The following PLXNA4 variants were observed in gnomAD, a reference collection of about 807,000 sequenced individuals.
PLXNA4 encodes plexin A4.
A neutral mutation model predicts 191.8 loss-of-function variants in PLXNA4; 44 were observed. The observed-to-expected ratio is 0.23, with a 90% CI of 0.18 to 0.29. The LOEUF is 0.29. Ranked by LOEUF, PLXNA4 falls within the 10% of genes least tolerant of loss-of-function variation. The pLI is 1.00. For synonymous variants in PLXNA4, 1,082 were observed against 1,009.5 expected, an observed-to-expected ratio of 1.07 and a Z score of -1.36; for missense variants, 1,800 against 2,488.8, an observed-to-expected ratio of 0.72 and a Z score of 5.89.
chr7:132,337,316 C>G (rs1316556906), intron 3 of PLXNA4, among the ~76,000 whole-genome samples: 3 of 152,242 alleles, frequency 2.0e-5, no homozygotes, highest in African/African-American at 7.2e-5. Context: ...CATGTTCATA[C>G]ACACTTCCCA....
chr7:132,569,522 C>T (rs534410668), intron 1 of PLXNA4, among the ~76,000 whole-genome samples: 19 of 152,340 alleles, frequency 1.2e-4, no homozygotes, highest in East Asian at 5.8e-4. Context: ...TTCACTGGAG[C>T]AAAGATTTTC....
chr7:132,145,397 C>A, intron 28 of PLXNA4, 109 bp from the exon 29 acceptor site: 3 of 1,475,636 alleles, frequency 2.0e-6, no homozygotes, highest in Non-Finnish European at 2.7e-6. Flanking sequence ...TACAGCCCAC[C>A]CTACTTGGGT....
At position 132,128,875 on chromosome 7, in the gene PLXNA4, A is replaced by T. The variant is rs930477351; in HGVS notation, c.*1604T>A. 1 of 152,264 alleles carries T rather than the reference A, an allele frequency of 6.6e-6. No homozygotes were observed. Among genetic ancestry groups the T allele is most frequent in the South Asian group, 2.1e-4 (1 of 4,830 alleles). The allele number at this position is 152,264 out of a possible 1,614,324, so 9.4% of individuals were successfully genotyped here. On this transcript the variant is annotated 3_prime_UTR_variant, in exon 32 of 32. Transcript: ENST00000321063. ...ATAGTGGTGAACAACTCCAGAGCAG[A>T]GGTGCCAACAGAGACTCCTGCTTAG...
intron 3 of PLXNA4, among the ~76,000 whole-genome samples, chr7:132,479,898 T>A (rs1797272271): frequency 1.3e-5 from 2 of 152,148 alleles, no homozygotes; most frequent in Non-Finnish European, 2.9e-5. Flanking sequence ...CCTCAAGTGA[T>A]CCACCCTCCT....
chr7:132,315,205 G>A (rs1801898591), intron 3 of PLXNA4, among the ~76,000 whole-genome samples: 1 of 152,170 alleles, frequency 6.6e-6, no homozygotes, highest in South Asian at 2.1e-4. Context: ...TCTGTTCTGT[G>A]TGACCTCTGG....
At chr7:132,522,517 C>T (rs1308101453) in intron 1 of PLXNA4, among the ~76,000 whole-genome samples, 1 of 152,188 alleles carries the variant, frequency 6.6e-6, no homozygotes, top group Admixed American at 6.5e-5. Flanking sequence ...GCCTGTAATC[C>T]CAGCACTTTA....
chr7:132,269,600 T>C (rs1350356412), intron 4 of PLXNA4, among the ~76,000 whole-genome samples: 1 of 151,898 alleles, frequency 6.6e-6, no homozygotes, highest in Non-Finnish European at 1.5e-5. Flanking sequence ...ACTGTAGAAA[T>C]AACAAAAAGC....
intron 2 of PLXNA4, among the ~76,000 whole-genome samples, chr7:132,603,876 T>C (rs971553): frequency 0.68 from 104,192 of 152,124 alleles, 38,236 homozygotes; most frequent in South Asian, 0.88. Context: ...AATCACTTAA[T>C]TTGGGGCGGG....
intron 10 of PLXNA4, among the ~76,000 whole-genome samples, chr7:132,210,472 T>A (rs891388330): frequency 2.0e-5 from 3 of 152,210 alleles, no homozygotes; most frequent in Non-Finnish European, 4.4e-5. Flanking sequence ...CTCCTGCCAA[T>A]GCTTGGTCTG....
At position 132,126,769 on chromosome 7, in the gene PLXNA4, G is replaced by T. The variant is rs746552239; in HGVS notation, c.*3710C>A. On this transcript the variant is annotated 3_prime_UTR_variant, in exon 32 of 32. Transcript: ENST00000321063. ...CAGGCTGCGGGTGCACAAGGGGTAGGCTTTAGGGGCTGGCTTTGGGTGCAG... is the reference window on the plus strand; with the variant it reads ...CAGGCTGCGGGTGCACAAGGGGTAGTCTTTAGGGGCTGGCTTTGGGTGCAG... 6.6e-6 allele frequency: 1 copy of T among 152,220 alleles called. No homozygotes were observed. Among genetic ancestry groups the T allele is most frequent in the Non-Finnish European group, 1.5e-5 (1 of 68,074 alleles). 9.4% of individuals were successfully genotyped at this position (152,220 alleles called of 1,614,324 possible).
At chr7:132,428,594 T>C (rs777116599) in intron 3 of PLXNA4, among the ~76,000 whole-genome samples, 53 of 151,860 alleles carry the variant, frequency 3.5e-4, no homozygotes, top group Non-Finnish European at 5.7e-4. Context: ...AGTGTTTCCT[T>C]CTTGCTACCC....
At chr7:132,487,690 C>A (rs1342723124) in intron 3 of PLXNA4, among the ~76,000 whole-genome samples, 1 of 152,124 alleles carries the variant, frequency 6.6e-6, no homozygotes, top group Non-Finnish European at 1.5e-5. Context: ...TTCCTGGCAG[C>A]AACTGGAAGT....
At chr7:132,381,388 A>T (rs557879055) in intron 3 of PLXNA4, among the ~76,000 whole-genome samples, 2 of 152,386 alleles carry the variant, frequency 1.3e-5, no homozygotes, top group South Asian at 2.1e-4. Context: ...ATAAAAAAGA[A>T]GTGATTCAAA....
At chr7:132,427,417 T>C (rs1795086678) in intron 3 of PLXNA4, among the ~76,000 whole-genome samples, 1 of 152,136 alleles carries the variant, frequency 6.6e-6, no homozygotes, top group African/African-American at 2.4e-5. Flanking sequence ...TCCTCCCCTC[T>C]CTGGTTCCAG....
chr7:132,415,328 T>C (rs1479677214), intron 3 of PLXNA4, among the ~76,000 whole-genome samples: 1 of 152,204 alleles, frequency 6.6e-6, no homozygotes, highest in Non-Finnish European at 1.5e-5. Flanking sequence ...GTCTGTCTGC[T>C]TTATAAGACG....
Position 132,479,113 on chromosome 7 carries a change from T to A in PLXNA4, c.1371+10179A>T, listed in dbSNP as rs1166265220. Among the ~76,000 whole-genome samples, 4 of 151,730 alleles carry A rather than the reference T, an allele frequency of 2.6e-5. No individual in the cohort carries two copies. In the East Asian group the frequency reaches 7.7e-4, roughly 29 times the overall value. On this transcript the variant is annotated intron_variant, in intron 3 of 31. Coordinates refer to ENST00000321063, the MANE Select transcript of PLXNA4 (RefSeq NM_020911.2). ...CAAGACCCCATCTCTATAAAAAATG[T>A]TAAAAATTAGTGGAGCATGGTGACA... is the stretch of plus-strand genomic sequence containing the variant.
intron 2 of PLXNA4, among the ~76,000 whole-genome samples, chr7:132,499,554 C>G (rs1328464839): frequency 6.6e-6 from 1 of 152,178 alleles, no homozygotes; most frequent in Non-Finnish European, 1.5e-5. Flanking sequence ...ATCCCACTGT[C>G]CCTCCTGGAG....
At chr7:132,510,526 A>C (rs1798671913) in intron 1 of PLXNA4, among the ~76,000 whole-genome samples, 1 of 152,250 alleles carries the variant, frequency 6.6e-6, no homozygotes, top group South Asian at 2.1e-4. Flanking sequence ...CCCAAGGAGC[A>C]GATCCTCAAC....
intron 17 of PLXNA4, 80 bp from the exon 18 acceptor site, chr7:132,181,700 G>A (rs1584807156): frequency 6.4e-7 from 1 of 1,553,088 alleles, no homozygotes; most frequent in East Asian, 2.3e-5. Flanking sequence ...GGGCCTCCCT[G>A]GATGTCATCG....
Sources: allele counts gnomAD v4.1 joint callset (sites outside exome capture counted in the v4.1 genomes callset), GRCh38; gene constraint gnomAD v4.1.1; transcripts MANE v1.5; gene names NCBI Gene and HGNC (gene_info 2026-07-23, HGNC 2026-07-21).